The following TRPC3 variants were observed in gnomAD, a reference collection of about 807,000 sequenced individuals.
The protein encoded by TRPC3 is short transient receptor potential channel 3.
In TRPC3, 54 loss-of-function variants were observed where a neutral mutation model predicts 90.9. The ratio of observed to expected loss-of-function variants is 0.59; its 90% confidence interval spans 0.48 to 0.75. The LOEUF (loss-of-function observed/expected upper bound fraction) is 0.75. TRPC3 is among the 30% of genes least tolerant of loss of function. The pLI, the probability that TRPC3 is intolerant of heterozygous loss-of-function variation, is 0.00. For missense variants in TRPC3, 918 were observed against 1,194.5 expected (o/e 0.77, Z 3.41); for synonymous variants, 424 against 450.9 (o/e 0.94, Z 0.75).
At position 121,879,789 on chromosome 4, in the gene TRPC3, G is replaced by A. The variant is rs201183100; in HGVS notation, c.2713C>T (p.Leu905=). Residue 905 remains leucine, a synonymous_variant, in exon 12 of 12, where the codon CTA becomes TTA. Transcript: ENST00000379645. ...KSQATEELAI[L]IHKLSEKLNP... ...AGTTTCTCACTAAGTTTATGAATTA[G>A]AATGGCTAATTCCTCAGTTGCTTGG... The A allele has an allele frequency of 2.2e-5, 35 of 1,608,690 alleles. No homozygotes were observed. The highest frequency in any genetic ancestry group is 2.9e-5 in the Non-Finnish European group (34 of 1,178,254).
chr4:121,924,246 T>C (rs977261212), intron 3 of TRPC3, among the ~76,000 whole-genome samples: 1 of 152,178 alleles, frequency 6.6e-6, no homozygotes, highest in African/African-American at 2.4e-5. Flanking sequence ...AGGATTCACA[T>C]AACAATGTAA....
intron 1 of TRPC3, among the ~76,000 whole-genome samples, chr4:121,944,416 G>C (rs976213410): frequency 7.3e-6 from 1 of 137,906 alleles, no homozygotes; most frequent in African/African-American, 2.6e-5. Context: ...ACTGGGGGGT[G>C]GGGGGAGGGT....
chr4:121,935,417 G>A (rs1200716457), intron 1 of TRPC3, among the ~76,000 whole-genome samples: 6 of 109,816 alleles, frequency 5.5e-5, no homozygotes, highest in Non-Finnish European at 9.3e-5. Context: ...GGACATGTGT[G>A]GGGTGTGTGT....
chr4:121,937,223 C>T (rs183646641), intron 1 of TRPC3, among the ~76,000 whole-genome samples: 40 of 152,292 alleles, frequency 2.6e-4, no homozygotes, highest in Middle Eastern at 3.4e-3. Flanking sequence ...GAATCTCTCA[C>T]GGTTGGACCC....
rs914423010 is a variant in TRPC3, at chr4:121,946,244, C to G, written c.215+5222G>C. Among the ~76,000 whole-genome samples, 5 of 152,056 alleles carry G rather than the reference C, an allele frequency of 3.3e-5. No individual in the cohort carries two copies. In the South Asian group the frequency reaches 1.0e-3, roughly 32 times the overall value. ...CAGGTGATGATGAAAGCATCCATAC[C>G]AAGGCACATCTTCAGAAGAGAGCTA... is the stretch of plus-strand genomic sequence containing the variant. On this transcript the variant is annotated intron_variant, in intron 1 of 11. Coordinates refer to ENST00000379645, the MANE Select transcript of TRPC3 (RefSeq NM_001130698.2).
chr4:121,939,359 A>G (rs1033937298), intron 1 of TRPC3, among the ~76,000 whole-genome samples: 5 of 152,318 alleles, frequency 3.3e-5, no homozygotes, highest in African/African-American at 1.2e-4. Flanking sequence ...TCTAATGAAA[A>G]GATTTTCTCA....
chr4:121,951,880 C>T lies in TRPC3; in HGVS notation c.-200G>A. 1 of 390,170 alleles carries T rather than the reference C, an allele frequency of 2.6e-6. No individual in the cohort carries two copies. The highest frequency in any genetic ancestry group is 4.5e-6 in the Non-Finnish European group (1 of 224,302). The allele number at this position is 390,170 out of a possible 1,614,324, so 24.2% of individuals were successfully genotyped here. A position where few individuals can be genotyped will look rare whatever the true frequency, so the allele number is the denominator to read the frequency against. On this transcript the variant is annotated 5_prime_UTR_variant, in exon 1 of 12. Coordinates refer to ENST00000379645, the MANE Select transcript of TRPC3 (RefSeq NM_001130698.2). The surrounding 1 kb of genome is among the most constrained non-coding windows in gnomAD (Gnocchi z 4.4). ...GAGGCTAGCGCCGAAGCCGAGCTGC[C>T]GCCGCCCACCATCAAACCGTGGGAG...
intron 1 of TRPC3, among the ~76,000 whole-genome samples, chr4:121,949,991 G>A (rs925878486): frequency 2.6e-5 from 4 of 152,296 alleles, no homozygotes; most frequent in Admixed American, 1.3e-4. Flanking sequence ...AAACAGCTAC[G>A]TTATAAAAAC....
At chr4:121,880,343 C>G (rs1301992961) in intron 11 of TRPC3, among the ~76,000 whole-genome samples, 1 of 151,754 alleles carries the variant, frequency 6.6e-6, no homozygotes, top group Non-Finnish European at 1.5e-5. Flanking sequence ...AATTTCAAGG[C>G]AAATATGAAG....
At position 121,875,130 on chromosome 4, in the gene TRPC3, G is replaced by A. The variant is rs1426504890; in HGVS notation, c.*4606C>T. Among the ~76,000 whole-genome samples the A allele has an allele frequency of 3.1e-5, 2 of 64,066 alleles. No homozygotes were observed. Among genetic ancestry groups the A allele is most frequent in the Admixed American group, 3.7e-4 (2 of 5,470 alleles). 42.0% of individuals were successfully genotyped at this position (64,066 alleles called of 152,430 possible). A position where few individuals can be genotyped will look rare whatever the true frequency, so the allele number is the denominator to read the frequency against. On this transcript the variant is annotated 3_prime_UTR_variant, in exon 12 of 12. Transcript: ENST00000379645. ...GAAATACTATGGTTCTAATAAATAG[G>A]TAAAAAAAAAAACACCAAAGACAGA...
In TRPC3 at chr4:121,932,061, C is replaced by T. The variant is rs576669313; in HGVS notation, c.987+210G>A. 6.6e-6 allele frequency among the ~76,000 whole-genome samples: 1 copy of T among 152,200 alleles called. No individual in the cohort carries two copies. The highest frequency in any genetic ancestry group is 1.5e-5 in the Non-Finnish European group (1 of 68,026). The stretch of plus-strand genomic sequence containing the variant: ...AATTATAGCTCTCTGATCCAGAATA[C>T]TGGATCCCCAAAGCGAATTTGTCAC... On this transcript the variant is annotated intron_variant, in intron 2 of 11. Coordinates refer to ENST00000379645, the MANE Select transcript of TRPC3 (RefSeq NM_001130698.2). The surrounding 1 kb of genome is among the most constrained non-coding windows in gnomAD (Gnocchi z 7.7).
In TRPC3 at chr4:121,933,021, G is replaced by A; in HGVS notation, c.237C>T (p.Ser79=). 1.3e-6 allele frequency: 2 copies of A among 1,593,122 alleles called. No homozygotes were observed. Among genetic ancestry groups the A allele is most frequent in the Non-Finnish European group, 1.7e-6 (2 of 1,168,218 alleles). ...GPDLSMEGSP[S]LRRMTVMREK... ...CCCGCATCACTGTCATGCGTCTCAG[G>A]GATGGGCTTCCCTCCATGGACCTAA... The change falls in exon 2 of 12, where the codon TCC becomes TCT. Residue 79 remains serine (S), a synonymous_variant. Transcript: ENST00000379645.
rs138373056 is a variant in TRPC3 at position 121,875,557 on chromosome 4, G to A, written c.*4179C>T. 1.4e-4 allele frequency among the ~76,000 whole-genome samples: 21 copies of A among 152,150 alleles called. No homozygotes were observed. The highest frequency in any genetic ancestry group is 4.8e-4 in the African/African-American group (20 of 41,488). On this transcript the variant is annotated 3_prime_UTR_variant, in exon 12 of 12. Transcript: ENST00000379645. ...TTAGGGTATCAGAGACATCTTGGTGGTCTTTATAAAACTCAACAGAAGATG... is the reference window on the plus strand; with the variant it reads ...TTAGGGTATCAGAGACATCTTGGTGATCTTTATAAAACTCAACAGAAGATG...
At chr4:121,897,630 G>A (rs146702891) in intron 10 of TRPC3, among the ~76,000 whole-genome samples, 5 of 149,286 alleles carry the variant, frequency 3.3e-5, no homozygotes, top group Admixed American at 6.9e-5. Context: ...CAGTTAGAAT[G>A]TCTACTATCA....
rs4995894 is a variant in TRPC3, at chr4:121,878,452, C to A, written c.*1284G>T. On this transcript the variant is annotated 3_prime_UTR_variant, in exon 12 of 12. Coordinates refer to ENST00000379645, the MANE Select transcript of TRPC3 (RefSeq NM_001130698.2). ...TATACGACTTGACAGCAACTGACTGCAGACTCAGGATGTTAAACATAACTC... is the reference window on the plus strand; with the variant it reads ...TATACGACTTGACAGCAACTGACTGAAGACTCAGGATGTTAAACATAACTC... Among the ~76,000 whole-genome samples, 4 of 151,352 alleles carry A rather than the reference C, an allele frequency of 2.6e-5. No individual in the cohort carries two copies. The highest frequency in any genetic ancestry group is 2.0e-4 in the Admixed American group (3 of 15,206).
intron 9 of TRPC3, 86 bp from the exon 10 acceptor site, chr4:121,899,781 T>C (rs1728642279): frequency 9.6e-7 from 1 of 1,040,930 alleles, no homozygotes; most frequent in South Asian, 1.4e-5. Context: ...CTTGATAACA[T>C]TTCTGGAGTC....
In TRPC3 at chr4:121,933,008, T is replaced by C; in HGVS notation, c.250A>G (p.Thr84Ala). ...MEGSPSLRRM[T>A]VMREKGRRQA... is the part of the protein sequence containing the mutation. Reference sequence around the variant, plus strand: ...CGCCGGCCCTTCTCCCGCATCACTGTCATGCGTCTCAGGGATGGGCTTCCC... The same window carrying C: ...CGCCGGCCCTTCTCCCGCATCACTGCCATGCGTCTCAGGGATGGGCTTCCC... The change falls in exon 2 of 12, where the codon ACA (threonine) becomes GCA (alanine). Residue 84 changes from threonine (T) to alanine (A), a missense_variant. By Grantham distance (58) the Thr-to-Ala change is moderately conservative (BLOSUM62 0). Coordinates refer to ENST00000379645, the MANE Select transcript of TRPC3 (RefSeq NM_001130698.2). 6.2e-7 allele frequency: 1 copy of C among 1,600,680 alleles called. No individual in the cohort carries two copies. Among genetic ancestry groups the C allele is most frequent in the Non-Finnish European group, 8.5e-7 (1 of 1,172,076 alleles).
intron 3 of TRPC3, among the ~76,000 whole-genome samples, chr4:121,922,047 T>C (rs1268069773): frequency 6.6e-6 from 1 of 151,812 alleles, no homozygotes; most frequent in African/African-American, 2.4e-5. Flanking sequence ...GCCTCCCTAG[T>C]AGCTGCAACT....
intron 1 of TRPC3, among the ~76,000 whole-genome samples, chr4:121,935,774 A>G (rs1730111434): frequency 6.6e-6 from 1 of 152,160 alleles, no homozygotes; most frequent in Non-Finnish European, 1.5e-5. Flanking sequence ...AAAGTGTCAC[A>G]TCTTGGTGGA....
Sources: allele counts gnomAD v4.1 joint callset (sites outside exome capture counted in the v4.1 genomes callset), GRCh38; gene constraint gnomAD v4.1.1; non-coding constraint Gnocchi (gnomAD v3.1); transcripts MANE v1.5; gene names NCBI Gene and HGNC (gene_info 2026-07-23, HGNC 2026-07-21).